Variants in GPRASP2 observed in about 807,000 individuals in gnomAD.
GPRASP2 encodes G protein-coupled receptor-associated sorting protein 2.
Under a neutral mutation model 36.0 loss-of-function variants are expected in GPRASP2, and 10 were observed. The ratio of observed to expected loss-of-function variants is 0.28; its 90% confidence interval spans 0.17 to 0.47. The LOEUF (loss-of-function observed/expected upper bound fraction) is 0.47, where lower values mean the gene tolerates loss of function less well. Among genes scored for constraint, GPRASP2 ranks in the 20% least tolerant of loss-of-function variants. GPRASP2 has a pLI of 0.99. For missense variants in GPRASP2, 538 were observed against 626.7 expected, an observed-to-expected ratio of 0.86 and a Z score of 1.51; for synonymous variants, 219 against 230.5, an observed-to-expected ratio of 0.95 and a Z score of 0.45.
chrX:102,715,383 G>A lies in GPRASP2; in HGVS notation c.514G>A (p.Asp172Asn), dbSNP rs764068856. ...SVTKSKGLSMDRELVNVDAET... is the reference protein window; with the variant it reads ...SVTKSKGLSMNRELVNVDAET... ...TACTAAATCTAAGGGCCTGTCTATG[G>A]ATAGAGAACTAGTCAATGTGGATGC... The change falls in exon 5 of 5, where the codon GAT becomes AAT. Residue 172 changes from aspartate (D) to asparagine (N), a missense_variant. By Grantham distance (23) the Asp-to-Asn change is conservative. Around this residue, in one of 2 missense-constraint regions of GPRASP2, gnomAD observed 276 missense variants for 275.0 expected, o/e 1.00. Transcript: ENST00000483720. The A allele has an allele frequency of 1.1e-5, 13 of 1,211,157 alleles. No homozygotes were observed. The East Asian group carries it at 3.8e-4, about 36-fold the overall frequency.
At chrX:102,713,496 A>C (rs1032964819) in intron 2 of GPRASP2, among the ~76,000 whole-genome samples, 17 of 113,244 alleles carry the variant, frequency 1.5e-4, no homozygotes, top group East Asian at 5.6e-4. Flanking sequence ...CCCCCATTTT[A>C]TGCTGCGCAG....
At position 102,715,083 on chromosome X, in the gene GPRASP2, G is replaced by A. The variant is rs2081940861; in HGVS notation, c.214G>A (p.Ala72Thr). The stretch of plus-strand genomic sequence containing the variant: ...AACTGAGGCCCAAGCAATGTCTGGG[G>A]CAAGGCCCAAAACTGAGGTCCAAGT... ...PKTEAQAMSG[A>T]RPKTEVQVMG... Residue 72 changes from alanine (A) to threonine (T), a missense_variant, in exon 5 of 5, where the codon GCA becomes ACA. Around this residue, in one of 2 missense-constraint regions of GPRASP2, gnomAD observed 276 missense variants for 275.0 expected, o/e 1.00. Coordinates refer to ENST00000483720, the MANE Select transcript of GPRASP2 (RefSeq NM_001004051.4). The A allele has an allele frequency of 8.3e-7, 1 of 1,211,715 alleles. No homozygotes were observed. The highest frequency in any genetic ancestry group is 1.8e-5 in the South Asian group (1 of 56,966).
rs780517699 is a variant in GPRASP2 at position 102,716,191 on chromosome X, C to T, written c.1322C>T (p.Pro441Leu). The T allele has an allele frequency of 7.4e-6, 9 of 1,210,353 alleles. No individual in the cohort carries two copies. Among genetic ancestry groups the T allele is most frequent in the South Asian group, 5.3e-5 (3 of 56,624 alleles). The change falls in exon 5 of 5, where the codon CCG (proline) becomes CTG (leucine). Residue 441 changes from proline (P) to leucine (L), a missense_variant. Around this residue, in one of 2 missense-constraint regions of GPRASP2, gnomAD observed 262 missense variants for 351.7 expected, o/e 0.74. Transcript: ENST00000483720. Reference sequence around the variant, plus strand: ...GCTGTGGCCAGAGAAGAGGCCAAGCCGGAGTCTGAAGAAGAGGCCATATTT... The same window carrying T: ...GCTGTGGCCAGAGAAGAGGCCAAGCTGGAGTCTGAAGAAGAGGCCATATTT... The part of the protein sequence containing the change: ...LGAVAREEAK[P>L]ESEEEAIFGS...
At position 102,715,888 on chromosome X, in the gene GPRASP2, T is replaced by C. The variant is rs1240430264; in HGVS notation, c.1019T>C (p.Val340Ala). ...SEDEFYKQSW[V>A]LPGEEANSRF... is the part of the protein sequence containing the mutation. ...GATGAGTTCTATAAGCAGTCCTGGG[T>C]TTTGCCTGGAGAAGAGGCCAATAGT... The change falls in exon 5 of 5, where the codon GTT becomes GCT. Residue 340 changes from valine to alanine, a missense_variant. Physicochemically the swap from Val to Ala is moderately conservative, Grantham distance 64. Around this residue, in one of 2 missense-constraint regions of GPRASP2, gnomAD observed 276 missense variants for 275.0 expected, o/e 1.00. Transcript: ENST00000483720. 2.5e-6 allele frequency: 3 copies of C among 1,211,399 alleles called. No homozygotes were observed. Among genetic ancestry groups the C allele is most frequent in the Non-Finnish European group, 3.4e-6 (3 of 895,444 alleles).
Position 102,716,985 on chromosome X carries a change from C to T in GPRASP2, c.2116C>T (p.Leu706Phe), listed in dbSNP as rs1194194880. ...QLTGIRMLRH[L>F]TMTIDYHTLI... ...GACTGGAATAAGGATGCTTAGACACCTCACTATGACTATTGACTATCACAC... is the reference window on the plus strand; with the variant it reads ...GACTGGAATAAGGATGCTTAGACACTTCACTATGACTATTGACTATCACAC... The change falls in exon 5 of 5, where the codon CTC becomes TTC. Residue 706 changes from leucine (L) to phenylalanine (F), a missense_variant. This residue lies in a region of GPRASP2 where 262 missense variants were observed against 351.7 expected (regional missense o/e 0.74). Coordinates refer to ENST00000483720, the MANE Select transcript of GPRASP2 (RefSeq NM_001004051.4). The T allele has an allele frequency of 5.0e-6, 6 of 1,197,376 alleles. No individual in the cohort carries two copies. The highest frequency in any genetic ancestry group is 6.8e-6 in the Non-Finnish European group (6 of 887,497).
At position 102,715,404 on chromosome X, in the gene GPRASP2, G is replaced by A. The variant is rs1262918671; in HGVS notation, c.535G>A (p.Asp179Asn). Residue 179 changes from aspartate to asparagine, a missense_variant, in exon 5 of 5, where the codon GAT becomes AAT. By Grantham distance (23) the Asp-to-Asn change is conservative. Around this residue, in one of 2 missense-constraint regions of GPRASP2, gnomAD observed 276 missense variants for 275.0 expected, o/e 1.00. Transcript: ENST00000483720. The part of the protein sequence containing the change: ...LSMDRELVNV[D>N]AETFPGTQGQ... Reference sequence around the variant, plus strand: ...TATGGATAGAGAACTAGTCAATGTGGATGCTGAAACCTTTCCTGGCACCCA... The same window carrying A: ...TATGGATAGAGAACTAGTCAATGTGAATGCTGAAACCTTTCCTGGCACCCA... 1 of 1,211,047 alleles carries A rather than the reference G, an allele frequency of 8.3e-7. No homozygotes were observed. The highest frequency in any genetic ancestry group is 1.7e-5 in the African/African-American group (1 of 57,457).
Position 102,715,947 on chromosome X carries a change from A to G in GPRASP2, c.1078A>G (p.Thr360Ala). The G allele has an allele frequency of 8.3e-7, 1 of 1,211,680 alleles. No individual in the cohort carries two copies. Among genetic ancestry groups the G allele is most frequent in the Non-Finnish European group, 1.1e-6 (1 of 895,546 alleles). ...GCACAGAGACAAAGAAGATCCTAATACTGCCTTGAAACTCAGGGCCCAGAA... is the reference window on the plus strand; with the variant it reads ...GCACAGAGACAAAGAAGATCCTAATGCTGCCTTGAAACTCAGGGCCCAGAA... Reference protein sequence around the residue: ...FRHRDKEDPNTALKLRAQKDV... With the variant: ...FRHRDKEDPNAALKLRAQKDV... Residue 360 changes from threonine to alanine, a missense_variant, in exon 5 of 5, where the codon ACT (threonine) becomes GCT (alanine). This residue lies in a region of GPRASP2 where 276 missense variants were observed against 275.0 expected (regional missense o/e 1.00). Transcript: ENST00000483720.
At chrX:102,713,988 A>T (rs1299616311) in intron 3 of GPRASP2, 139 bp downstream of exon 3, 2 of 111,308 alleles carry the variant, frequency 1.8e-5, no homozygotes, top group African/African-American at 6.5e-5. Context: ...CATCCTTTTT[A>T]TTTCTTGCAG....
chrX:102,717,340 C>A lies in GPRASP2; in HGVS notation c.2471C>A (p.Ala824Asp). The change falls in exon 5 of 5, where the codon GCC (alanine) becomes GAC (aspartate). Residue 824 changes from alanine to aspartate, a missense_variant. By Grantham distance (126) the Ala-to-Asp change is moderately radical. Coordinates refer to ENST00000483720, the MANE Select transcript of GPRASP2 (RefSeq NM_001004051.4). Reference sequence around the variant, plus strand: ...GAGGAGTTAGCTAAGCAACTACAAGCCCAAATAGACAACCAAAATGATCCT... The same window carrying A: ...GAGGAGTTAGCTAAGCAACTACAAGACCAAATAGACAACCAAAATGATCCT... ...EFEELAKQLQ[A>D]QIDNQNDPEV... 1 of 1,084,518 alleles carries A rather than the reference C, an allele frequency of 9.2e-7. No individual in the cohort carries two copies. Among genetic ancestry groups the A allele is most frequent in the South Asian group, 3.1e-5 (1 of 32,652 alleles). 89.4% of individuals were successfully genotyped at this position (1,084,518 alleles called of 1,213,427 possible). A position where few individuals can be genotyped will look rare whatever the true frequency, so the allele number is the denominator to read the frequency against.
rs770341893 is a variant in GPRASP2, at chrX:102,716,839, G to GC, written c.1970_1971insC (p.Leu659PhefsTer18). 3 of 1,212,013 alleles carry GC rather than the reference G, an allele frequency of 2.5e-6. No homozygotes were observed. Among genetic ancestry groups the GC allele is most frequent in the Non-Finnish European group, 3.3e-6 (3 of 895,609 alleles). On this transcript the variant is annotated frameshift_variant, in exon 5 of 5. Transcript: ENST00000483720. LOFTEE classifies it high-confidence loss of function. ...TATCCATCCTCTAGAGTTAGGACAA[G>GC]TTTTTTGGAAAATATGATTCACATG...
Position 102,715,529 on chromosome X carries a change from T to C in GPRASP2, c.660T>C (p.Asn220=). The change falls in exon 5 of 5, where the codon AAT becomes AAC. Residue 220 remains asparagine, a synonymous_variant. Coordinates refer to ENST00000483720, the MANE Select transcript of GPRASP2 (RefSeq NM_001004051.4). ...CCAGGGCCAGAGAGGAGGCCTCTAA[T>C]GAGTCTGGGTTCTGGTCAGCAGATG... ...SRPRAREEAS[N]ESGFWSADET... 1.7e-6 allele frequency: 2 copies of C among 1,212,044 alleles called. No homozygotes were observed. The highest frequency in any genetic ancestry group is 2.2e-6 in the Non-Finnish European group (2 of 895,605).
rs2081941587 is a variant in GPRASP2, at chrX:102,715,119, G to A, written c.250G>A (p.Ala84Thr). Residue 84 changes from alanine to threonine, a missense_variant, in exon 5 of 5, where the codon GCA (alanine) becomes ACA (threonine). Physicochemically the swap from Ala to Thr is moderately conservative, Grantham distance 58. Around this residue, in one of 2 missense-constraint regions of GPRASP2, gnomAD observed 276 missense variants for 275.0 expected, o/e 1.00. Coordinates refer to ENST00000483720, the MANE Select transcript of GPRASP2 (RefSeq NM_001004051.4). ...AACTGAGGTCCAAGTAATGGGTGGT[G>A]CAAGACCCAAAACGGAGGCTCAAGG... ...PKTEVQVMGG[A>T]RPKTEAQGIT... 8.2e-7 allele frequency: 1 copy of A among 1,212,521 alleles called. No homozygotes were observed. The highest frequency in any genetic ancestry group is 1.1e-6 in the Non-Finnish European group (1 of 895,652).
chrX:102,715,702 T>A lies in GPRASP2; in HGVS notation c.833T>A (p.Val278Asp). The A allele has an allele frequency of 8.2e-7, 1 of 1,212,143 alleles. No individual in the cohort carries two copies. The highest frequency in any genetic ancestry group is 1.1e-6 in the Non-Finnish European group (1 of 895,627). ...SRPRSKQEAY[V>D]DSWSGSEDEA... The stretch of plus-strand genomic sequence containing the variant: ...CCCAGATCCAAGCAAGAAGCCTATG[T>A]TGATTCCTGGTCTGGATCTGAGGAT... Residue 278 changes from valine to aspartate, a missense_variant, in exon 5 of 5, where the codon GTT becomes GAT. This residue lies in a region of GPRASP2 where 276 missense variants were observed against 275.0 expected (regional missense o/e 1.00). Transcript: ENST00000483720.
In GPRASP2 at chrX:102,716,315, T is replaced by C; in HGVS notation, c.1446T>C (p.Leu482=). 1 of 1,211,787 alleles carries C rather than the reference T, an allele frequency of 8.3e-7. No individual in the cohort carries two copies. The highest frequency in any genetic ancestry group is 1.1e-6 in the Non-Finnish European group (1 of 895,540). Residue 482 remains leucine (L), a synonymous_variant, in exon 5 of 5, where the codon CTT becomes CTC. Coordinates refer to ENST00000483720, the MANE Select transcript of GPRASP2 (RefSeq NM_001004051.4). ...GGTTCAGAGATGCAGCTGAGGAGCT[T>C]AATGCATCCTCCAGGCCCCAAACCT... ...SDRFRDAAEE[L]NASSRPQTWD... is the part of the protein sequence containing the mutation.
In GPRASP2 at chrX:102,716,289, A is replaced by C; in HGVS notation, c.1420A>C (p.Arg474=). The C allele has an allele frequency of 1.7e-6, 2 of 1,212,014 alleles. No homozygotes were observed. The highest frequency in any genetic ancestry group is 1.1e-6 in the Non-Finnish European group (1 of 895,598). Residue 474 remains arginine (R), a synonymous_variant, in exon 5 of 5, where the codon AGG becomes CGG. Coordinates refer to ENST00000483720, the MANE Select transcript of GPRASP2 (RefSeq NM_001004051.4). ...NPCPVYKVSD[R]FRDAAEELNA... ...CTGTCCTGTGTACAAGGTCAGTGAT[A>C]GGTTCAGAGATGCAGCTGAGGAGCT...
rs758294240 is a variant in GPRASP2, at chrX:102,717,166, G to T, written c.2297G>T (p.Gly766Val). The T allele has an allele frequency of 8.5e-7, 1 of 1,179,803 alleles. No homozygotes were observed. Among genetic ancestry groups the T allele is most frequent in the East Asian group, 3.0e-5 (1 of 33,255 alleles). ...GCCAAAGCTCTTTCAATATTTGTGG[G>T]TCTCTTTAACATAGAAGAGACAAAT... is the stretch of plus-strand genomic sequence containing the variant. Reference protein sequence around the residue: ...FSAKALSIFVGLFNIEETNDN... With the variant: ...FSAKALSIFVVLFNIEETNDN... The change falls in exon 5 of 5, where the codon GGT becomes GTT. Residue 766 changes from glycine (G) to valine (V), a missense_variant. Physicochemically the swap from Gly to Val is moderately radical, Grantham distance 109. Transcript: ENST00000483720.
chrX:102,717,328 A>G lies in GPRASP2; in HGVS notation c.2459A>G (p.Lys820Arg). Residue 820 changes from lysine to arginine, a missense_variant, in exon 5 of 5, where the codon AAG (lysine) becomes AGG (arginine). By Grantham distance (26) the Lys-to-Arg change is conservative. Transcript: ENST00000483720. ...SAFREFEELA[K>R]QLQAQIDNQN... is the part of the protein sequence containing the mutation. ...TTTCGTGAATTTGAGGAGTTAGCTA[A>G]GCAACTACAAGCCCAAATAGACAAC... The G allele has an allele frequency of 9.1e-7, 1 of 1,097,868 alleles. No individual in the cohort carries two copies. Among genetic ancestry groups the G allele is most frequent in the Non-Finnish European group, 1.2e-6 (1 of 839,469 alleles). 90.5% of individuals were successfully genotyped at this position (1,097,868 alleles called of 1,213,427 possible).
intron 2 of GPRASP2, 85 bp from the exon 3 acceptor site, chrX:102,713,697 T>C (rs1179907788): frequency 8.8e-6 from 1 of 113,064 alleles, no homozygotes; most frequent in Non-Finnish European, 1.9e-5. Context: ...GGGACTCTTA[T>C]CCTTGGCGTT....
Position 102,716,884 on chromosome X carries a change from T to G in GPRASP2, c.2015T>G (p.Leu672Arg). 1 of 1,210,832 alleles carries G rather than the reference T, an allele frequency of 8.3e-7. No individual in the cohort carries two copies. Among genetic ancestry groups the G allele is most frequent in the South Asian group, 1.8e-5 (1 of 56,609 alleles). Residue 672 changes from leucine to arginine, a missense_variant, in exon 5 of 5, where the codon CTA (leucine) becomes CGA (arginine). Transcript: ENST00000483720. ...CACATGGCTCCACCTTATCCAAATCTAAACATGATTGAGACATTCATATGT... is the reference window on the plus strand; with the variant it reads ...CACATGGCTCCACCTTATCCAAATCGAAACATGATTGAGACATTCATATGT... ...MIHMAPPYPN[L>R]NMIETFICQV...
Sources: allele counts gnomAD v4.1 joint callset (sites outside exome capture counted in the v4.1 genomes callset), GRCh38; gene constraint gnomAD v4.1.1; regional missense constraint gnomAD v4.1.1; transcripts MANE v1.5; gene names NCBI Gene and HGNC (gene_info 2026-07-23, HGNC 2026-07-21).